PARVA: variants seen among roughly 807,000 people sequenced by gnomAD.
PARVA encodes the protein parvin alpha, also known as alpha-parvin.
PARVA carries 25 observed loss-of-function variants against 52.6 expected under a neutral mutation model. The ratio of observed to expected loss-of-function variants is 0.48; its 90% CI spans 0.35 to 0.66. PARVA has a LOEUF of 0.66. Ranked by LOEUF, PARVA falls within the 30% of genes least tolerant of loss-of-function variation. The pLI is 0.01. For missense variants in PARVA, 373 were observed against 450.9 expected (o/e 0.83, Z 1.56); for synonymous variants, 185 against 179.1 (o/e 1.03, Z -0.26).
intron 1 of PARVA, among the ~76,000 whole-genome samples, chr11:12,442,311 C>CT (rs1940478238): frequency 6.6e-6 from 1 of 152,154 alleles, no homozygotes; most frequent in Admixed American, 6.5e-5. Context: ...AGCAGGATTG[C>CT]TATAGAGTTA....
chr11:12,397,199 AAGAT>A (rs1253198317), intron 1 of PARVA, among the ~76,000 whole-genome samples: 7 of 152,150 alleles, frequency 4.6e-5, no homozygotes, highest in Non-Finnish European at 8.8e-5. Context: ...TATAGGCTGA[AAGAT>A]AATTTATTTA....
At chr11:12,507,555 T>C (rs1281240980) in intron 6 of PARVA, among the ~76,000 whole-genome samples, 1 of 152,158 alleles carries the variant, frequency 6.6e-6, no homozygotes, top group African/African-American at 2.4e-5. Flanking sequence ...TGCCTCTGCC[T>C]CTTGGCTGGG....
In PARVA at chr11:12,420,291, T is replaced by G. The variant is rs1213170487; in HGVS notation, c.136+42508T>G. On this transcript the variant is annotated intron_variant, in intron 1 of 12. Coordinates refer to ENST00000334956, the MANE Select transcript of PARVA (RefSeq NM_018222.5). ...TCAGCAAAGAATGTAGGTTTGTGGT[T>G]TTTTGAAAAACACTAGATCAAATTA... Among the ~76,000 whole-genome samples, 170 of 152,336 alleles carry G rather than the reference T, an allele frequency of 1.1e-3. 2 individuals are homozygous for G. The highest frequency in any genetic ancestry group is 1.5e-4 in the Non-Finnish European group (10 of 68,020).
chr11:12,400,178 A>C (rs1267869705), intron 1 of PARVA, among the ~76,000 whole-genome samples: 1 of 152,246 alleles, frequency 6.6e-6, no homozygotes, highest in East Asian at 1.9e-4. Context: ...ATATGTTCCC[A>C]GCCGTAGTCT....
chr11:12,459,058 C>CTA (rs1401188191), intron 1 of PARVA, among the ~76,000 whole-genome samples: 1 of 152,168 alleles, frequency 6.6e-6, no homozygotes, highest in Admixed American at 6.5e-5. Context: ...TAGGATCATC[C>CTA]TGTTAGGGAT....
chr11:12,514,360 C>T (rs1429589258), intron 10 of PARVA, among the ~76,000 whole-genome samples: 1 of 152,236 alleles, frequency 6.6e-6, no homozygotes, highest in Non-Finnish European at 1.5e-5. Context: ...ATATGTCTCT[C>T]AAGAACAAGC....
chr11:12,397,320 C>T (rs1256825742), intron 1 of PARVA, among the ~76,000 whole-genome samples: 1 of 152,190 alleles, frequency 6.6e-6, no homozygotes, highest in African/African-American at 2.4e-5. Flanking sequence ...GCCTCAGCCT[C>T]TCCAGTAGCT....
intron 12 of PARVA, among the ~76,000 whole-genome samples, chr11:12,527,519 C>G (rs1465313084): frequency 6.6e-6 from 1 of 152,040 alleles, no homozygotes; most frequent in Non-Finnish European, 1.5e-5. Context: ...TAATGCACCC[C>G]CTGGTCTTCC....
chr11:12,477,765 T>A, intron 3 of PARVA, 82 bp from the exon 4 acceptor site: 1 of 759,740 alleles, frequency 1.3e-6, no homozygotes, highest in Non-Finnish European at 2.3e-6. Flanking sequence ...TTTAATTGTT[T>A]AGGATAAGAA....
intron 1 of PARVA, among the ~76,000 whole-genome samples, chr11:12,435,896 C>A (rs1940380391): frequency 6.6e-6 from 1 of 152,144 alleles, no homozygotes; most frequent in African/African-American, 2.4e-5. Context: ...CGGCTCACTG[C>A]AACCTCTGCT....
chr11:12,490,095 A>G (rs755437755), intron 4 of PARVA, among the ~76,000 whole-genome samples: 19 of 152,094 alleles, frequency 1.2e-4, no homozygotes, highest in Non-Finnish European at 2.4e-4. Flanking sequence ...GGGCACCTGT[A>G]GTCCCAGCTA....
At chr11:12,465,329 A>G (rs1203615627) in intron 1 of PARVA, among the ~76,000 whole-genome samples, 1 of 152,168 alleles carries the variant, frequency 6.6e-6, no homozygotes, top group Non-Finnish European at 1.5e-5. Flanking sequence ...AAAGGCCCTC[A>G]CTAGATGTGG....
At chr11:12,512,408 C>T (rs1941513325) in intron 8 of PARVA, among the ~76,000 whole-genome samples, 1 of 152,160 alleles carries the variant, frequency 6.6e-6, no homozygotes, top group African/African-American at 2.4e-5. Flanking sequence ...TCAGATTTAC[C>T]CACTGGTGCC....
chr11:12,404,687 C>A (rs1044501184), intron 1 of PARVA, among the ~76,000 whole-genome samples: 2 of 152,142 alleles, frequency 1.3e-5, no homozygotes, highest in Non-Finnish European at 2.9e-5. Flanking sequence ...TAGGGTAGCG[C>A]GGGTGGCCCT....
At chr11:12,386,935 TAA>T (rs1939580096) in intron 1 of PARVA, among the ~76,000 whole-genome samples, 1 of 152,206 alleles carries the variant, frequency 6.6e-6, no homozygotes, top group Non-Finnish European at 1.5e-5. Context: ...GATACCAGGA[TAA>T]GTGGGCCCCG....
chr11:12,404,588 T>G (rs1353393439), intron 1 of PARVA, among the ~76,000 whole-genome samples: 1 of 152,232 alleles, frequency 6.6e-6, no homozygotes, highest in African/African-American at 2.4e-5. Context: ...GGGCATGGGA[T>G]GGCAGGTGGC....
chr11:12,503,262 C>T (rs1193394183), intron 5 of PARVA, among the ~76,000 whole-genome samples: 6 of 152,100 alleles, frequency 3.9e-5, no homozygotes, highest in Non-Finnish European at 7.4e-5. Context: ...AAGCCCTGAA[C>T]CAAGGAAGAG....
intron 4 of PARVA, among the ~76,000 whole-genome samples, chr11:12,486,556 T>A (rs538201484): frequency 1.7e-4 from 26 of 148,690 alleles, no homozygotes; most frequent in Middle Eastern, 7.4e-3. Flanking sequence ...AAAAATAAAA[T>A]AAAATAAAGC....
chr11:12,377,585 C>G lies in PARVA; in HGVS notation c.-63C>G, dbSNP rs1939412056. The G allele has an allele frequency of 2.0e-6, 3 of 1,501,190 alleles. No homozygotes were observed. Among genetic ancestry groups the G allele is most frequent in the African/African-American group, 2.9e-5 (2 of 68,240 alleles). 93.0% of individuals were successfully genotyped at this position (1,501,190 alleles called of 1,614,324 possible). A position where few individuals can be genotyped will look rare whatever the true frequency, so the allele number is the denominator to read the frequency against. Reference sequence around the variant, plus strand: ...GCCGCAGCCTCAGTCCCGCCGCCGCCCGCTGCGTCCGCCCAGCGCCAGCTC... The same window carrying G: ...GCCGCAGCCTCAGTCCCGCCGCCGCGCGCTGCGTCCGCCCAGCGCCAGCTC... On this transcript the variant is annotated 5_prime_UTR_variant, in exon 1 of 13. Transcript: ENST00000334956.
Sources: gnomAD v4.1 joint callset for allele counts (sites outside exome capture counted in the v4.1 genomes callset) on GRCh38, gnomAD v4.1.1 for gene constraint, MANE v1.5 for transcripts, NCBI Gene and HGNC (gene_info 2026-07-23, HGNC 2026-07-21) for gene names.